Variants in CCDC91 observed in about 807,000 individuals in gnomAD.
CCDC91 encodes coiled-coil domain containing 91.
Under a neutral mutation model 63.2 loss-of-function variants are expected in CCDC91, and 48 were observed. The observed-to-expected ratio is 0.76, with a 90% CI of 0.60 to 0.97. CCDC91 has a LOEUF of 0.97. CCDC91 is among the 50% of genes least tolerant of loss of function. The pLI is 0.00. For synonymous variants in CCDC91, 167 were observed against 165.8 expected (o/e 1.01, Z -0.06); for missense variants, 500 against 494.6 (o/e 1.01, Z -0.10).
chr12:28,194,629 T>G (rs546859801), intron 1 of CCDC91, among the ~76,000 whole-genome samples: 1 of 151,354 alleles, frequency 6.6e-6, no homozygotes, highest in African/African-American at 2.4e-5. Flanking sequence ...TGAAGCTGCA[T>G]CCGAAATTGT....
At chr12:28,423,998 G>T in intron 8 of CCDC91, among the ~76,000 whole-genome samples, 1 of 152,160 alleles carries the variant, frequency 6.6e-6, no homozygotes, top group Non-Finnish European at 1.5e-5. Context: ...TTGGAAGATT[G>T]TTTTATGGAA....
At chr12:28,533,092 T>G (rs1941877543) in intron 12 of CCDC91, among the ~76,000 whole-genome samples, 1 of 152,112 alleles carries the variant, frequency 6.6e-6, no homozygotes, top group Non-Finnish European at 1.5e-5. Flanking sequence ...CACTGTTGAT[T>G]AGTTACGGTA....
At chr12:28,506,806 CAG>C (rs1376236065) in intron 12 of CCDC91, among the ~76,000 whole-genome samples, 1 of 151,252 alleles carries the variant, frequency 6.6e-6, no homozygotes, top group Non-Finnish European at 1.5e-5. Context: ...CTTCTCTTGA[CAG>C]AGCTGTGTAT....
chr12:28,452,263 A>T (rs1337720458), intron 10 of CCDC91, among the ~76,000 whole-genome samples: 1 of 151,608 alleles, frequency 6.6e-6, no homozygotes, highest in Non-Finnish European at 1.5e-5. Flanking sequence ...TTCTTTGAAG[A>T]TTAGAAATGC....
rs567600037 is a variant in CCDC91, at chr12:28,549,078, C to T, written c.1231C>T (p.Arg411Cys). Residue 411 changes from arginine to cysteine, a missense_variant, in exon 13 of 13, where the codon CGC becomes TGC. Arg to Cys is a radical substitution (Grantham distance 180). Coordinates refer to ENST00000536442, the MANE Select transcript of CCDC91 (RefSeq NM_018318.5). ...KEQKRLDQVI[R>C]QRSLSSLELF... Reference sequence around the variant, plus strand: ...AATTAAACAGCTCGATCAAGTCATCCGCCAAAGAAGCCTGTCCAGTTTGGA... The same window carrying T: ...AATTAAACAGCTCGATCAAGTCATCTGCCAAAGAAGCCTGTCCAGTTTGGA... 54 of 1,610,372 alleles carry T rather than the reference C, an allele frequency of 3.4e-5. No homozygotes were observed. In the African/African-American group the frequency reaches 3.7e-4, roughly 11 times the overall value.
intron 1 of CCDC91, among the ~76,000 whole-genome samples, chr12:28,248,245 G>T (rs1459160390): frequency 6.6e-6 from 1 of 152,198 alleles, no homozygotes; most frequent in African/African-American, 2.4e-5. Flanking sequence ...TGGTGGGGGA[G>T]ATGTTGAATT....
At chr12:28,198,148 T>C (rs1288669397) in intron 1 of CCDC91, among the ~76,000 whole-genome samples, 2 of 152,160 alleles carry the variant, frequency 1.3e-5, no homozygotes, top group African/African-American at 2.4e-5. Flanking sequence ...TCAGAGAAGG[T>C]TGGCTTTTCT....
intron 12 of CCDC91, among the ~76,000 whole-genome samples, chr12:28,547,731 A>G (rs1332778679): frequency 6.6e-6 from 1 of 152,124 alleles, no homozygotes; most frequent in Non-Finnish European, 1.5e-5. Context: ...GTATAGTTCA[A>G]TGATTTTACA....
intron 1 of CCDC91, among the ~76,000 whole-genome samples, chr12:28,203,277 G>A (rs1336208226): frequency 6.6e-6 from 1 of 152,122 alleles, no homozygotes; most frequent in African/African-American, 2.4e-5. Flanking sequence ...CTAGAGTTCT[G>A]AAAAAAGTTG....
intron 6 of CCDC91, among the ~76,000 whole-genome samples, chr12:28,311,914 C>G (rs1187403615): frequency 6.6e-6 from 1 of 151,998 alleles, no homozygotes; most frequent in Non-Finnish European, 1.5e-5. Context: ...TAAAAGAAAA[C>G]TCACAGAACT....
chr12:28,336,945 A>G (rs548009775), intron 6 of CCDC91, among the ~76,000 whole-genome samples: 6 of 152,268 alleles, frequency 3.9e-5, no homozygotes, highest in African/African-American at 9.6e-5. Flanking sequence ...ACTGAAGACA[A>G]TATTTTTCAT....
At chr12:28,494,280 T>G (rs779487381) in intron 12 of CCDC91, among the ~76,000 whole-genome samples, 1 of 151,650 alleles carries the variant, frequency 6.6e-6, no homozygotes, top group Non-Finnish European at 1.5e-5. Flanking sequence ...GCCTCCTTTT[T>G]TTCTGGGACC....
At chr12:28,414,198 AT>A (rs949678739) in intron 8 of CCDC91, among the ~76,000 whole-genome samples, 2 of 152,160 alleles carry the variant, frequency 1.3e-5, no homozygotes, top group Non-Finnish European at 2.9e-5. Context: ...TTAGATATAT[AT>A]TTTTTACAGC....
chr12:28,224,102 T>C (rs1291700536), intron 1 of CCDC91, among the ~76,000 whole-genome samples: 3 of 152,174 alleles, frequency 2.0e-5, no homozygotes, highest in Non-Finnish European at 4.4e-5. Flanking sequence ...TTTTAAAAAC[T>C]GTTTCAAAGA....
intron 3 of CCDC91, among the ~76,000 whole-genome samples, chr12:28,276,010 A>G (rs1292775438): frequency 2.6e-5 from 4 of 152,100 alleles, no homozygotes; most frequent in Non-Finnish European, 5.9e-5. Context: ...CCCACAGCCA[A>G]TATCATACTG....
At chr12:28,285,036 GA>G (rs1188172790) in intron 3 of CCDC91, among the ~76,000 whole-genome samples, 1 of 152,158 alleles carries the variant, frequency 6.6e-6, no homozygotes, top group African/African-American at 2.4e-5. Context: ...TTAGGAATCA[GA>G]AAATGTCCAT....
chr12:28,447,536 A>G (rs1949560772), intron 8 of CCDC91, among the ~76,000 whole-genome samples: 1 of 150,986 alleles, frequency 6.6e-6, no homozygotes, highest in African/African-American at 2.4e-5. Flanking sequence ...TTGCTTTACA[A>G]ATTATCTATG....
intron 6 of CCDC91, among the ~76,000 whole-genome samples, chr12:28,322,470 A>G (rs1251073037): frequency 6.6e-6 from 1 of 151,640 alleles, no homozygotes; most frequent in African/African-American, 2.4e-5. Flanking sequence ...ATCATTTTGG[A>G]CTTTTTCCTC....
intron 1 of CCDC91, among the ~76,000 whole-genome samples, chr12:28,194,148 T>C (rs1287359714): frequency 6.6e-6 from 1 of 152,234 alleles, no homozygotes; most frequent in Non-Finnish European, 1.5e-5. Context: ...TTTCTTATGT[T>C]TTCTTCCAGA....
Sources: allele counts gnomAD v4.1 joint callset (sites outside exome capture counted in the v4.1 genomes callset), GRCh38; gene constraint gnomAD v4.1.1; transcripts MANE v1.5; gene names NCBI Gene and HGNC (gene_info 2026-07-23, HGNC 2026-07-21).